The following KCNAB2 variants were observed in gnomAD, a reference collection of about 807,000 sequenced individuals.
KCNAB2 encodes potassium voltage-gated channel subfamily A regulatory beta subunit 2.
A neutral mutation model predicts 63.6 loss-of-function variants in KCNAB2; 29 were observed. The ratio of observed to expected loss-of-function variants is 0.46; its 90% CI spans 0.34 to 0.62. KCNAB2 has a LOEUF of 0.62. Ranked by LOEUF, KCNAB2 falls within the 20% of genes least tolerant of loss-of-function variation. KCNAB2 has a pLI of 0.01. For synonymous variants in KCNAB2, 222 were observed against 224.2 expected (o/e 0.99, Z 0.09); for missense variants, 359 against 563.9 (o/e 0.64, Z 3.68).
At chr1:6,009,413 G>A (rs965152096) in intron 1 of KCNAB2, among the ~76,000 whole-genome samples, 1 of 152,156 alleles carries the variant, frequency 6.6e-6, no homozygotes, top group African/African-American at 2.4e-5. Context: ...GTGTGCACAC[G>A]TGTGCATATG....
chr1:6,066,689 G>A (rs1265912663), intron 2 of KCNAB2, among the ~76,000 whole-genome samples: 2 of 152,228 alleles, frequency 1.3e-5, no homozygotes, highest in African/African-American at 4.8e-5. Context: ...GGGGTGGTCT[G>A]ATATCTTTCC....
At chr1:6,066,170 C>T (rs1388003801) in intron 2 of KCNAB2, among the ~76,000 whole-genome samples, 1 of 152,222 alleles carries the variant, frequency 6.6e-6, no homozygotes, top group Non-Finnish European at 1.5e-5. Context: ...CTCCCGAGGC[C>T]GCTTCCGCGC....
intron 1 of KCNAB2, among the ~76,000 whole-genome samples, chr1:6,001,564 A>G (rs1286981584): frequency 1.3e-5 from 2 of 152,098 alleles, no homozygotes; most frequent in Non-Finnish European, 2.9e-5. Context: ...GCCCCGTGAT[A>G]CACCCATGGG....
At chr1:6,026,247 CCCCGACA>C (rs754214681) in intron 1 of KCNAB2, 10 of 152,462 alleles carry the variant, frequency 6.6e-5, no homozygotes, top group Non-Finnish European at 1.3e-4. Flanking sequence ...AAAGGCCACG[CCCCGACA>C]CCCCACGGGG....
chr1:6,033,777 C>G (rs530977648), upstream of KCNAB2, among the ~76,000 whole-genome samples: 1 of 152,114 alleles, frequency 6.6e-6, no homozygotes, highest in South Asian at 2.1e-4. Flanking sequence ...ATTTAATGAC[C>G]GGATTCCTTC....
intron 1 of KCNAB2, among the ~76,000 whole-genome samples, chr1:6,012,081 G>A (rs1291511638): frequency 2.0e-5 from 3 of 151,092 alleles, no homozygotes; most frequent in African/African-American, 4.9e-5. Context: ...AGGTGATGAA[G>A]GTGGAGGTGA....
In KCNAB2 at chr1:6,098,704, C is replaced by T. The variant is rs749220045; in HGVS notation, c.*130C>T. On this transcript the variant is annotated 3_prime_UTR_variant, in exon 16 of 16. Transcript: ENST00000378083. ...AGAAAACACCACACTGTGATGTCAT[C>T]GGGAAATGATCTCCCAAGTCGCTGC... is the stretch of plus-strand genomic sequence containing the variant. 5.7e-5 allele frequency: 67 copies of T among 1,178,184 alleles called. No homozygotes were observed. The highest frequency in any genetic ancestry group is 2.2e-4 in the Middle Eastern group (1 of 4,630). The allele number at this position is 1,178,184 out of a possible 1,614,324, so 73.0% of individuals were successfully genotyped here.
chr1:6,065,152 G>A (rs1033711161), intron 2 of KCNAB2, among the ~76,000 whole-genome samples: 2 of 152,216 alleles, frequency 1.3e-5, no homozygotes, highest in African/African-American at 2.4e-5. Flanking sequence ...CTGGGCATGC[G>A]CCAGGGAGGC....
Position 6,098,687 on chromosome 1 carries a change from C to A in KCNAB2, c.*113C>A, listed in dbSNP as rs1665845223. 5 of 1,285,124 alleles carry A rather than the reference C, an allele frequency of 3.9e-6. No homozygotes were observed. The South Asian group carries it at 6.9e-5, about 18-fold the overall frequency. The allele number at this position is 1,285,124 out of a possible 1,614,324, so 79.6% of individuals were successfully genotyped here. ...TGTGGTTTGCATCCAAGAGAAAACA[C>A]CACACTGTGATGTCATCGGGAAATG... On this transcript the variant is annotated 3_prime_UTR_variant, in exon 16 of 16. Coordinates refer to ENST00000378083, the MANE Select transcript of KCNAB2 (RefSeq NM_001199862.2).
chr1:6,015,621 G>A (rs955898464), intron 1 of KCNAB2, among the ~76,000 whole-genome samples: 1 of 152,246 alleles, frequency 6.6e-6, no homozygotes, highest in African/African-American at 2.4e-5. Context: ...CTCCAGTGTC[G>A]ATGGGGCTTG....
At chr1:6,033,744 C>A (rs1334778068), upstream of KCNAB2, among the ~76,000 whole-genome samples, 1 of 152,178 alleles carries the variant, frequency 6.6e-6, no homozygotes, top group Non-Finnish European at 1.5e-5. Flanking sequence ...TGTCAGCCAA[C>A]CACGTAAAGG....
chr1:6,018,877 A>G (rs1305119206), intron 1 of KCNAB2: 1 of 152,252 alleles, frequency 6.6e-6, no homozygotes, highest in African/African-American at 2.4e-5. Flanking sequence ...TCACTAAGAT[A>G]ACAAGATAGC....
chr1:6,056,901 ATC>A, intron 2 of KCNAB2, among the ~76,000 whole-genome samples: 1 of 151,738 alleles, frequency 6.6e-6, no homozygotes, highest in Non-Finnish European at 1.5e-5. Context: ...CTATGAAGTC[ATC>A]AGAAGCCCCT....
intron 9 of KCNAB2, 81 bp downstream of exon 9, chr1:6,090,556 G>C (rs560591373): frequency 9.1e-7 from 1 of 1,098,936 alleles, no homozygotes; most frequent in African/African-American, 1.6e-5. Flanking sequence ...GAGGCCGCCA[G>C]CATGGGCCCT....
chr1:6,046,237 C>A, intron 1 of KCNAB2, 54 bp downstream of exon 1: 1 of 972,626 alleles, frequency 1.0e-6, no homozygotes, highest in Non-Finnish European at 1.2e-6. Context: ...CTTGGGGGCA[C>A]GCATCCGCGG....
intron 10 of KCNAB2, among the ~76,000 whole-genome samples, chr1:6,093,896 C>G (rs186589162): frequency 5.9e-5 from 9 of 152,230 alleles, no homozygotes; most frequent in Admixed American, 4.6e-4. Context: ...ATCCAGCCCA[C>G]TCTCTGTTCC....
At chr1:6,045,189 A>G (rs1298762394), upstream of KCNAB2, among the ~76,000 whole-genome samples, 1 of 152,020 alleles carries the variant, frequency 6.6e-6, no homozygotes, top group East Asian at 1.9e-4. The surrounding 1 kb of genome is among the most constrained non-coding windows in gnomAD (Gnocchi z 4.8). Context: ...ACCTTCCCCC[A>G]TGGCAGCTAC....
intron 2 of KCNAB2, among the ~76,000 whole-genome samples, chr1:6,054,296 G>GAATTGGACAAAAA (rs1553124579): frequency 1.3e-5 from 2 of 152,062 alleles, no homozygotes; most frequent in African/African-American, 4.8e-5. Flanking sequence ...CTTGAACAAA[G>GAATTGGACAAAAA]AATTGGACAA....
chr1:6,088,249 T>G, intron 7 of KCNAB2, among the ~76,000 whole-genome samples: 1 of 128,744 alleles, frequency 7.8e-6, no homozygotes, highest in South Asian at 2.4e-4. Flanking sequence ...TTTTTTTTTT[T>G]GAGACAGGGT....
Sources: allele counts gnomAD v4.1 joint callset (sites outside exome capture counted in the v4.1 genomes callset), GRCh38; gene constraint gnomAD v4.1.1; non-coding constraint Gnocchi (gnomAD v3.1); transcripts MANE v1.5; gene names NCBI Gene and HGNC (gene_info 2026-07-23, HGNC 2026-07-21).